The following CCDC85A variants were observed in gnomAD, a reference collection of about 807,000 sequenced individuals.
The protein encoded by CCDC85A is coiled-coil domain-containing protein 85A.
In CCDC85A, 38 loss-of-function variants were observed where a neutral mutation model predicts 50.2. The ratio of observed to expected loss-of-function variants is 0.76; its 90% CI spans 0.58 to 0.99. The LOEUF (loss-of-function observed/expected upper bound fraction) is 0.99. Among genes scored for constraint, CCDC85A ranks in the 50% least tolerant of loss-of-function variants. CCDC85A has a pLI of 0.00. For missense variants in CCDC85A, 820 were observed against 742.0 expected (o/e 1.11, Z -1.22); for synonymous variants, 366 against 301.4 (o/e 1.21, Z -2.22).
chr2:56,372,277 C>T (rs1350138955), intron 3 of CCDC85A, 67 bp from the exon 4 acceptor site: 3 of 1,415,508 alleles, frequency 2.1e-6, no homozygotes, highest in Admixed American at 2.6e-5. Context: ...CATGTTCTAT[C>T]TGCTTTCTTG....
intron 1 of CCDC85A, among the ~76,000 whole-genome samples, chr2:56,188,402 A>G (rs559771978): frequency 2.1e-4 from 32 of 152,338 alleles, no homozygotes; most frequent in Non-Finnish European, 5.9e-5. Flanking sequence ...TGAGAAGTGT[A>G]TGTTTCACTC....
chr2:56,221,862 T>G (rs1208839391), intron 2 of CCDC85A, among the ~76,000 whole-genome samples: 1 of 152,128 alleles, frequency 6.6e-6, no homozygotes, highest in Non-Finnish European at 1.5e-5. Context: ...AAAAATTTAT[T>G]TCTTACACTT....
At chr2:56,372,559 G>A in intron 4 of CCDC85A, 81 bp downstream of exon 4, 1 of 1,361,876 alleles carries the variant, frequency 7.3e-7, no homozygotes, top group Non-Finnish European at 9.6e-7. Context: ...AGTTATACTG[G>A]GGGGTAGAAA....
intron 2 of CCDC85A, among the ~76,000 whole-genome samples, chr2:56,253,349 G>A (rs1669850982): frequency 6.6e-6 from 1 of 152,180 alleles, no homozygotes; most frequent in South Asian, 2.1e-4. Context: ...TAGGACAGGA[G>A]CTAGGGTGAA....
At position 56,342,958 on chromosome 2, in the gene CCDC85A, GGGTGA is replaced by G. The variant is rs765552674; in HGVS notation, c.1317+4_1317+8del. ...AAGAAAATCGCATGCTGCCCCAGGT[GGGTGA>G]CTTCCAGAAGCTCATAGCTAGTCAG... On this transcript the variant is annotated splice_donor_5th_base_variant and intron_variant, in intron 3 of 5. Coordinates refer to ENST00000407595, the MANE Select transcript of CCDC85A (RefSeq NM_001080433.2). 3.2e-5 allele frequency: 50 copies of G among 1,585,298 alleles called. No individual in the cohort carries two copies. The highest frequency in any genetic ancestry group is 4.1e-5 in the Non-Finnish European group (48 of 1,164,250).
chr2:56,221,456 C>A (rs542671730), intron 2 of CCDC85A, among the ~76,000 whole-genome samples: 154 of 152,034 alleles, frequency 1.0e-3, no homozygotes, highest in Non-Finnish European at 1.7e-3. Context: ...GTTATGTTTG[C>A]ACACTTGTCT....
At chr2:56,213,796 G>A (rs1403482963) in intron 2 of CCDC85A, among the ~76,000 whole-genome samples, 1 of 151,842 alleles carries the variant, frequency 6.6e-6, no homozygotes, top group African/African-American at 2.4e-5. Flanking sequence ...CTCAACTCAG[G>A]CATAGAAGGA....
intron 3 of CCDC85A, among the ~76,000 whole-genome samples, chr2:56,365,105 C>G (rs1045794945): frequency 3.3e-5 from 5 of 152,182 alleles, no homozygotes; most frequent in African/African-American, 1.2e-4. Context: ...TGCTCACATC[C>G]TTCTACTACA....
At chr2:56,361,075 A>C (rs1285323935) in intron 3 of CCDC85A, among the ~76,000 whole-genome samples, 1 of 152,140 alleles carries the variant, frequency 6.6e-6, no homozygotes, top group East Asian at 1.9e-4. Flanking sequence ...AACATGTTGA[A>C]ACCCCATCTC....
At chr2:56,319,884 G>T (rs1454109110) in intron 2 of CCDC85A, among the ~76,000 whole-genome samples, 1 of 152,070 alleles carries the variant, frequency 6.6e-6, no homozygotes, top group Non-Finnish European at 1.5e-5. Context: ...CCACATAGTT[G>T]GAAGTAAAGC....
intron 2 of CCDC85A, among the ~76,000 whole-genome samples, chr2:56,321,519 T>A (rs1673184288): frequency 1.3e-5 from 2 of 152,040 alleles, no homozygotes; most frequent in African/African-American, 4.8e-5. Flanking sequence ...GAGAGCCAAA[T>A]CATGAGGGAA....
intron 1 of CCDC85A, among the ~76,000 whole-genome samples, chr2:56,186,696 A>G (rs1265006768): frequency 2.0e-5 from 3 of 152,212 alleles, no homozygotes; most frequent in African/African-American, 7.2e-5. Context: ...AACACTTGAA[A>G]GTTCCTTTAG....
chr2:56,337,837 T>C (rs1573291480), intron 2 of CCDC85A, among the ~76,000 whole-genome samples: 1 of 151,262 alleles, frequency 6.6e-6, no homozygotes. Flanking sequence ...CAAGCTGGAG[T>C]GCAGTGGCAC....
intron 2 of CCDC85A, among the ~76,000 whole-genome samples, chr2:56,207,144 A>G (rs1168549353): frequency 6.6e-6 from 1 of 152,116 alleles, no homozygotes; most frequent in Non-Finnish European, 1.5e-5. Flanking sequence ...TTTACATTTC[A>G]CTTACTTTGA....
chr2:56,291,669 A>G (rs569168042), intron 2 of CCDC85A, among the ~76,000 whole-genome samples: 21 of 152,252 alleles, frequency 1.4e-4, no homozygotes, highest in African/African-American at 4.8e-4. Flanking sequence ...AACTTTGTAG[A>G]CAAAGGGACA....
chr2:56,240,007 G>A (rs1669184151), intron 2 of CCDC85A, among the ~76,000 whole-genome samples: 1 of 151,892 alleles, frequency 6.6e-6, no homozygotes. Flanking sequence ...TTTCAAACTT[G>A]GGGTATAATT....
chr2:56,272,681 G>A (rs1445389228), intron 2 of CCDC85A, among the ~76,000 whole-genome samples: 1 of 152,176 alleles, frequency 6.6e-6, no homozygotes, highest in African/African-American at 2.4e-5. Flanking sequence ...AGGCAGGAGA[G>A]CAGAATATTA....
At chr2:56,304,363 A>T (rs1452964533) in intron 2 of CCDC85A, among the ~76,000 whole-genome samples, 3 of 152,202 alleles carry the variant, frequency 2.0e-5, no homozygotes, top group Non-Finnish European at 2.9e-5. Flanking sequence ...TCTGAGTAGA[A>T]TTTTAAATCT....
intron 2 of CCDC85A, among the ~76,000 whole-genome samples, chr2:56,303,454 G>A (rs1303352402): frequency 6.6e-6 from 1 of 152,078 alleles, no homozygotes; most frequent in Non-Finnish European, 1.5e-5. Context: ...ATTGCATGAA[G>A]AAATAGAGGA....
Sources: gnomAD v4.1 joint callset for allele counts (sites outside exome capture counted in the v4.1 genomes callset) on GRCh38, gnomAD v4.1.1 for gene constraint, MANE v1.5 for transcripts, NCBI Gene and HGNC (gene_info 2026-07-23, HGNC 2026-07-21) for gene names.